Variants in REDIC1 observed in about 807,000 individuals in gnomAD.
REDIC1 encodes HEI10 Interacting Protein 1.
the REDIC1 span, among the ~76,000 whole-genome samples, chr12:39,771,657 G>A: frequency 6.6e-6 from 1 of 152,120 alleles, no homozygotes; most frequent in Non-Finnish European, 1.5e-5. Context: ...TATTATTAAT[G>A]TGTGTTGCAG....
the REDIC1 span, among the ~76,000 whole-genome samples, chr12:39,679,845 A>G: frequency 1.3e-5 from 2 of 152,328 alleles, no homozygotes; most frequent in East Asian, 3.9e-4. Context: ...CCAAATACTT[A>G]AAGTCAACTG....
At chr12:39,749,215 C>T in the REDIC1 span, among the ~76,000 whole-genome samples, 3 of 151,992 alleles carry the variant, frequency 2.0e-5, no homozygotes, top group Non-Finnish European at 2.9e-5. Context: ...CAAATAGACA[C>T]AACAAAAAAT....
the REDIC1 span, among the ~76,000 whole-genome samples, chr12:39,794,430 C>T: frequency 6.6e-6 from 1 of 152,166 alleles, no homozygotes; most frequent in Non-Finnish European, 1.5e-5. Context: ...ATTTTAAATT[C>T]TGCCTAAAGG....
the REDIC1 span, among the ~76,000 whole-genome samples, chr12:39,709,084 CA>C: frequency 6.6e-6 from 1 of 151,796 alleles, no homozygotes; most frequent in African/African-American, 2.4e-5. Context: ...GTTTTCCTCA[CA>C]TAGATTCTGC....
At chr12:39,712,443 T>C in the REDIC1 span, among the ~76,000 whole-genome samples, 1 of 58,164 alleles carries the variant, frequency 1.7e-5, no homozygotes, top group South Asian at 4.4e-4. Flanking sequence ...CATACGTATA[T>C]GTATACATAC....
At chr12:39,694,199 A>C in the REDIC1 span, among the ~76,000 whole-genome samples, 1 of 152,196 alleles carries the variant, frequency 6.6e-6, no homozygotes, top group South Asian at 2.1e-4. Flanking sequence ...GGGGTGGAAC[A>C]AGATGGCTGA....
chr12:39,783,249 T>C, the REDIC1 span, among the ~76,000 whole-genome samples: 2 of 152,236 alleles, frequency 1.3e-5, no homozygotes, highest in Non-Finnish European at 1.5e-5. Flanking sequence ...ATGTGCCACA[T>C]TTTCTTAATT....
At chr12:39,713,012 CATGTGTATATACGTGTATATGT>C in the REDIC1 span, among the ~76,000 whole-genome samples, 1 of 133,684 alleles carries the variant, frequency 7.5e-6, no homozygotes, top group Non-Finnish European at 1.6e-5. Flanking sequence ...TGTATATATA[CATGTGTATATACGTGTATATGT>C]ATATATACAT....
the REDIC1 span, among the ~76,000 whole-genome samples, chr12:39,886,575 A>G: frequency 6.6e-6 from 1 of 151,932 alleles, no homozygotes; most frequent in Admixed American, 6.6e-5. Context: ...TCTGAAAAAT[A>G]GAAAGAATTA....
At chr12:39,640,151 T>C in the REDIC1 span, among the ~76,000 whole-genome samples, 2 of 151,594 alleles carry the variant, frequency 1.3e-5, no homozygotes, top group Non-Finnish European at 2.9e-5. Flanking sequence ...AAGGTGATGA[T>C]ATTAGGAGGG....
At chr12:39,821,919 T>G in the REDIC1 span, among the ~76,000 whole-genome samples, 2 of 152,188 alleles carry the variant, frequency 1.3e-5, no homozygotes, top group African/African-American at 4.8e-5. Context: ...AGAATATTAT[T>G]AATTTTTTTA....
At chr12:39,800,174 AT>A in the REDIC1 span, among the ~76,000 whole-genome samples, 2 of 152,206 alleles carry the variant, frequency 1.3e-5, no homozygotes, top group Non-Finnish European at 2.9e-5. Context: ...AATCCTTGGC[AT>A]TTTTGCAGAA....
the REDIC1 span, among the ~76,000 whole-genome samples, chr12:39,651,543 C>T: frequency 6.6e-6 from 1 of 152,112 alleles, no homozygotes; most frequent in African/African-American, 2.4e-5. Flanking sequence ...TCCTTCCTTT[C>T]CTTCAACTCT....
chr12:39,712,179 T>TGTATGTATATGTACATGTATATATAC, the REDIC1 span, among the ~76,000 whole-genome samples: 1 of 140,054 alleles, frequency 7.1e-6, no homozygotes, highest in Non-Finnish European at 1.5e-5. Context: ...TATATATACC[T>TGTATGTATATGTACATGTATATATAC]GTATGTATAT....
chr12:39,689,535 T>G, the REDIC1 span, among the ~76,000 whole-genome samples: 1 of 152,118 alleles, frequency 6.6e-6, no homozygotes, highest in Non-Finnish European at 1.5e-5. Flanking sequence ...CCTTTATGAA[T>G]AGCAGATAAT....
At chr12:39,720,073 GAA>G in the REDIC1 span, among the ~76,000 whole-genome samples, 1 of 151,740 alleles carries the variant, frequency 6.6e-6, no homozygotes, top group Non-Finnish European at 1.5e-5. Context: ...GTAATTAAAA[GAA>G]ATTTTTCAAG....
the REDIC1 span, among the ~76,000 whole-genome samples, chr12:39,643,281 G>A: frequency 6.6e-6 from 1 of 151,466 alleles, no homozygotes; most frequent in Non-Finnish European, 1.5e-5. Context: ...AAACATCTGG[G>A]AATCATGGAG....
the REDIC1 span, among the ~76,000 whole-genome samples, chr12:39,660,782 T>C: frequency 6.6e-6 from 1 of 152,104 alleles, no homozygotes; most frequent in East Asian, 1.9e-4. Context: ...TTTGTACCCA[T>C]TAAACCTCCC....
chr12:39,713,548 A>C, the REDIC1 span, among the ~76,000 whole-genome samples: 1 of 150,176 alleles, frequency 6.7e-6, no homozygotes, highest in Non-Finnish European at 1.5e-5. Flanking sequence ...ATACGTATAC[A>C]TGCGTGCATA....
Sources: gnomAD v4.1 joint callset for allele counts (sites outside exome capture counted in the v4.1 genomes callset) on GRCh38, gnomAD v4.1.1 for gene constraint, MANE v1.5 for transcripts, NCBI Gene and HGNC (gene_info 2026-07-23, HGNC 2026-07-21) for gene names.